The following RBPMS variants were observed in gnomAD, a reference collection of about 807,000 sequenced individuals.
The protein encoded by RBPMS is RNA binding protein, mRNA processing factor.
RBPMS carries 7 observed loss-of-function variants against 26.8 expected under a neutral mutation model. That is an observed-to-expected ratio of 0.26 (90% CI 0.15 to 0.49). RBPMS has a LOEUF of 0.49. Among genes scored for constraint, RBPMS ranks in the 20% least tolerant of loss-of-function variants. The probability of loss-of-function intolerance (pLI) is 0.98; values close to 1 mark genes in which losing one functional copy is unlikely to be tolerated. For missense variants in RBPMS, 186 were observed against 250.0 expected (o/e 0.74, Z 1.73); for synonymous variants, 96 against 93.3 (o/e 1.03, Z -0.17).
chr8:30,552,601 C>A (rs889693698), intron 6 of RBPMS: 1 of 152,206 alleles, frequency 6.6e-6, no homozygotes, highest in Non-Finnish European at 1.5e-5. Flanking sequence ...AACAGACTGA[C>A]AGAATTAAAT....
chr8:30,493,852 G>A (rs186080366), intron 4 of RBPMS, among the ~76,000 whole-genome samples: 42 of 152,146 alleles, frequency 2.8e-4, no homozygotes, highest in African/African-American at 9.4e-4. Flanking sequence ...TAAAGATTGC[G>A]TTTATCGCTT....
intron 5 of RBPMS, among the ~76,000 whole-genome samples, chr8:30,539,699 C>T (rs925860874): frequency 2.0e-5 from 3 of 150,518 alleles, no homozygotes; most frequent in Non-Finnish European, 4.4e-5. Flanking sequence ...GATCTTGGCT[C>T]ACTGCAATCT....
At chr8:30,469,493 A>G (rs930773124) in intron 1 of RBPMS, among the ~76,000 whole-genome samples, 5 of 152,254 alleles carry the variant, frequency 3.3e-5, no homozygotes, top group Middle Eastern at 3.2e-3. Flanking sequence ...ACTAGCATTT[A>G]TTCTTTCAGT....
intron 6 of RBPMS, among the ~76,000 whole-genome samples, chr8:30,546,709 TG>T (rs1296409308): frequency 5.9e-5 from 9 of 152,248 alleles, no homozygotes; most frequent in African/African-American, 1.9e-4. Context: ...ACTTCTTGTT[TG>T]GAGTCATTCC....
chr8:30,483,675 C>G (rs1400147421), intron 4 of RBPMS, among the ~76,000 whole-genome samples: 2 of 151,936 alleles, frequency 1.3e-5, no homozygotes, highest in African/African-American at 4.8e-5. Context: ...ATTACATTCA[C>G]CATGTTATGC....
At chr8:30,445,672 A>ATATATG (rs1162798264) in intron 1 of RBPMS, among the ~76,000 whole-genome samples, 1 of 135,894 alleles carries the variant, frequency 7.4e-6, no homozygotes, top group Non-Finnish European at 1.6e-5. Flanking sequence ...ATATATATAT[A>ATATATG]TATGTATTTT....
intron 1 of RBPMS, among the ~76,000 whole-genome samples, chr8:30,430,922 CCTT>C (rs1811857558): frequency 6.6e-6 from 1 of 152,106 alleles, no homozygotes; most frequent in South Asian, 2.1e-4. Context: ...TAAAACAAGG[CCTT>C]CTTATTTGGT....
intron 5 of RBPMS, among the ~76,000 whole-genome samples, chr8:30,522,184 A>C (rs1416700114): frequency 6.6e-6 from 1 of 152,010 alleles, no homozygotes; most frequent in Non-Finnish European, 1.5e-5. Flanking sequence ...CTATAGTCAC[A>C]GCTACTTGGG....
At chr8:30,536,684 TTGCCCTG>T (rs1824835143) in intron 5 of RBPMS, among the ~76,000 whole-genome samples, 1 of 152,226 alleles carries the variant, frequency 6.6e-6, no homozygotes, top group South Asian at 2.1e-4. Flanking sequence ...TAGATTCAAG[TTGCCCTG>T]AAGATATACT....
chr8:30,440,186 C>T (rs2150703500), intron 1 of RBPMS, among the ~76,000 whole-genome samples: 1 of 152,310 alleles, frequency 6.6e-6, no homozygotes, highest in African/African-American at 2.4e-5. Flanking sequence ...AATCCTCCTT[C>T]CCAATGTGCT....
intron 5 of RBPMS, among the ~76,000 whole-genome samples, chr8:30,541,640 C>T (rs1224178141): frequency 6.6e-6 from 1 of 152,044 alleles, no homozygotes; most frequent in African/African-American, 2.4e-5. Context: ...GGAATCTCAC[C>T]CCCTCCCTAA....
chr8:30,425,056 A>T (rs1303928349), intron 1 of RBPMS, among the ~76,000 whole-genome samples: 1 of 151,970 alleles, frequency 6.6e-6, no homozygotes, highest in Non-Finnish European at 1.5e-5. Flanking sequence ...CCCAGACTCA[A>T]GCAGTCCTCC....
intron 5 of RBPMS, among the ~76,000 whole-genome samples, chr8:30,518,687 CTTTTTTTTTTTTTTTTTT>C (rs58763494): frequency 5.5e-5 from 1 of 18,236 alleles, no homozygotes; most frequent in Non-Finnish European, 9.8e-5. Context: ...CCAAGCATGA[CTTTTTTTTTTTTTTTTTT>C]TTTTTTTTTT....
At chr8:30,514,679 G>GTTTTTTTTTTT (rs773827768) in intron 5 of RBPMS, among the ~76,000 whole-genome samples, 4 of 13,554 alleles carry the variant, frequency 3.0e-4, no homozygotes, top group Non-Finnish European at 6.2e-4. Context: ...ACCATGCCGG[G>GTTTTTTTTTTT]CTTTTTTTTT....
intron 6 of RBPMS, among the ~76,000 whole-genome samples, chr8:30,557,033 GC>G (rs1826991477): frequency 6.6e-6 from 1 of 152,146 alleles, no homozygotes; most frequent in Non-Finnish European, 1.5e-5. Flanking sequence ...CCCCAGCCCT[GC>G]CTTAAATGAG....
At chr8:30,455,482 T>G (rs1319864181) in intron 1 of RBPMS, among the ~76,000 whole-genome samples, 1 of 150,836 alleles carries the variant, frequency 6.6e-6, no homozygotes, top group Non-Finnish European at 1.5e-5. Context: ...GCATTAGGAG[T>G]ACAGAAGAGA....
At chr8:30,545,049 C>T in intron 6 of RBPMS, 1 of 1,393,712 alleles carries the variant, frequency 7.2e-7, no homozygotes, top group Middle Eastern at 1.9e-4. Context: ...GAGTTTTCCA[C>T]TCTCGTGTAC....
At chr8:30,480,728 G>A (rs1005042075) in intron 4 of RBPMS, among the ~76,000 whole-genome samples, 1 of 152,132 alleles carries the variant, frequency 6.6e-6, no homozygotes, top group African/African-American at 2.4e-5. Context: ...TATAAAAGTT[G>A]TTTTATGATT....
intron 4 of RBPMS, among the ~76,000 whole-genome samples, chr8:30,486,247 C>T (rs958899308): frequency 4.6e-5 from 7 of 151,640 alleles, no homozygotes; most frequent in East Asian, 1.9e-4. Context: ...GACTGAGGCA[C>T]GAGAATCACT....
Sources: gnomAD v4.1 joint callset for allele counts (sites outside exome capture counted in the v4.1 genomes callset) on GRCh38, gnomAD v4.1.1 for gene constraint, MANE v1.5 for transcripts, NCBI Gene and HGNC (gene_info 2026-07-23, HGNC 2026-07-21) for gene names.